SVIL: variants seen among roughly 807,000 people sequenced by gnomAD.
SVIL encodes the protein archvillin.
In SVIL, 101 loss-of-function variants were observed where a neutral mutation model predicts 240.4. The observed-to-expected ratio is 0.42, with a 90% confidence interval of 0.36 to 0.50. The LOEUF (loss-of-function observed/expected upper bound fraction) is 0.50. SVIL is among the 20% of genes least tolerant of loss of function. SVIL has a pLI of 0.01. For synonymous variants in SVIL, 999 were observed against 1,100.0 expected (o/e 0.91, Z 1.82); for missense variants, 2,512 against 2,818.7 (o/e 0.89, Z 2.46).
intron 2 of SVIL, among the ~76,000 whole-genome samples, chr10:29,664,207 G>A (rs185566597): frequency 1.3e-5 from 2 of 152,230 alleles, no homozygotes; most frequent in African/African-American, 4.8e-5. Flanking sequence ...TTGAGTTAAT[G>A]GGCAGAATTC....
chr10:29,573,029 C>T (rs1955519286), intron 1 of SVIL, among the ~76,000 whole-genome samples: 1 of 151,282 alleles, frequency 6.6e-6, no homozygotes, highest in East Asian at 1.9e-4. Context: ...TTCAAATTTT[C>T]CTGTCGCTTG....
At chr10:29,586,754 G>A (rs1428911219) in intron 1 of SVIL, among the ~76,000 whole-genome samples, 2 of 152,142 alleles carry the variant, frequency 1.3e-5, no homozygotes, top group Non-Finnish European at 2.9e-5. Flanking sequence ...CATGGATGAA[G>A]CAGGAGGCTA....
At chr10:29,635,442 C>T (rs1451037567), upstream of SVIL, among the ~76,000 whole-genome samples, 7 of 152,152 alleles carry the variant, frequency 4.6e-5, no homozygotes, top group Non-Finnish European at 1.5e-5. Flanking sequence ...CTTCCAATAA[C>T]TGTAGAAAAT....
chr10:29,506,757 G>A (rs1351967299), intron 17 of SVIL, among the ~76,000 whole-genome samples: 2 of 149,946 alleles, frequency 1.3e-5, no homozygotes, highest in African/African-American at 2.4e-5. Context: ...TAGAGGGAGG[G>A]GACAGAGGCC....
intron 3 of SVIL, among the ~76,000 whole-genome samples, chr10:29,643,191 G>A (rs942959010): frequency 6.6e-6 from 1 of 152,190 alleles, no homozygotes; most frequent in African/African-American, 2.4e-5. Context: ...CTGGACTCAA[G>A]ATGATGTCAG....
intron 5 of SVIL, among the ~76,000 whole-genome samples, chr10:29,552,084 C>T (rs974839797): frequency 4.0e-5 from 6 of 151,136 alleles, no homozygotes; most frequent in Non-Finnish European, 7.4e-5. Context: ...TGCCACTGAA[C>T]TCTAACCTGA....
chr10:29,598,044 A>C (rs1441598860), intron 1 of SVIL, among the ~76,000 whole-genome samples: 1 of 152,126 alleles, frequency 6.6e-6, no homozygotes, highest in East Asian at 1.9e-4. Context: ...TGGTGTATCT[A>C]AACCCAGTGG....
At chr10:29,711,236 C>T (rs533136264) in intron 1 of SVIL, among the ~76,000 whole-genome samples, 4 of 151,944 alleles carry the variant, frequency 2.6e-5, no homozygotes, top group South Asian at 2.1e-4. Flanking sequence ...CCTGTCTCTA[C>T]TAAAAATACA....
intron 1 of SVIL, among the ~76,000 whole-genome samples, chr10:29,723,277 G>A (rs769167078): frequency 6.6e-6 from 1 of 152,218 alleles, no homozygotes; most frequent in Non-Finnish European, 1.5e-5. Flanking sequence ...GTTACTGGGA[G>A]GCTAAGATGA....
At chr10:29,557,799 C>T (rs927609475) in intron 3 of SVIL, among the ~76,000 whole-genome samples, 6 of 152,208 alleles carry the variant, frequency 3.9e-5, no homozygotes, top group South Asian at 2.1e-4. Flanking sequence ...GGGCATAAAA[C>T]GAGAAATTCT....
At chr10:29,500,257 C>T (rs1173405640) in intron 17 of SVIL, among the ~76,000 whole-genome samples, 1 of 152,022 alleles carries the variant, frequency 6.6e-6, no homozygotes, top group African/African-American at 2.4e-5. Flanking sequence ...AAACGCTGGC[C>T]GGCAGAGTTT....
rs201445275 is a variant in SVIL, at chr10:29,512,794, C to T, written c.3457G>A (p.Gly1153Ser). The stretch of plus-strand genomic sequence containing the variant: ...TGCAGGCTGCTGGCCGGCGCCTTGC[C>T]GCCCTCCTGCCTCCTGCTGAGTCTG... ...RNRLSRRQEG[G>S]KAPASSLHTQ... The change falls in exon 17 of 38, where the codon GGC (glycine) becomes AGC (serine). Residue 1153 changes from glycine (G) to serine (S), a missense_variant. Gly to Ser is a moderately conservative substitution (Grantham distance 56). Coordinates refer to ENST00000355867, the MANE Select transcript of SVIL (RefSeq NM_021738.3). 19 of 1,613,398 alleles carry T rather than the reference C, an allele frequency of 1.2e-5. No homozygotes were observed. The East Asian group carries it at 3.3e-4, about 28-fold the overall frequency.
chr10:29,663,595 A>T (rs188689998), intron 2 of SVIL, among the ~76,000 whole-genome samples: 1 of 152,302 alleles, frequency 6.6e-6, no homozygotes. Context: ...ACCTCAAGTG[A>T]TCTGCCCTGC....
chr10:29,689,013 C>CAT (rs774105391), intron 1 of SVIL, among the ~76,000 whole-genome samples: 133 of 152,206 alleles, frequency 8.7e-4, no homozygotes, highest in Non-Finnish European at 1.7e-3. Flanking sequence ...ATAAAAGGCA[C>CAT]ATATATATAC....
chr10:29,460,827 G>T (rs2132264347), intron 36 of SVIL, among the ~76,000 whole-genome samples: 1 of 152,242 alleles, frequency 6.6e-6, no homozygotes, highest in Middle Eastern at 3.4e-3. Flanking sequence ...GATTGTCTGA[G>T]CCTGGAGCTG....
intron 16 of SVIL, among the ~76,000 whole-genome samples, chr10:29,519,280 G>T (rs535869252): frequency 6.6e-6 from 1 of 152,108 alleles, no homozygotes; most frequent in Non-Finnish European, 1.5e-5. Context: ...TGAGCGCACC[G>T]CGGTCTCACC....
chr10:29,526,878 G>A lies in SVIL; in HGVS notation c.2342+83C>T, dbSNP rs79610730. ...GCATTGACTTGTTTGTCAAACAAAC[G>A]ACAGACATTCAAGACTTTAGGATGC... On this transcript the variant is annotated intron_variant, in intron 13 of 37. Transcript: ENST00000355867. 1.5e-4 allele frequency: 173 copies of A among 1,155,342 alleles called. 1 individual carries two copies. The East Asian group carries it at 4.5e-3, about 30-fold the overall frequency. The allele number at this position is 1,155,342 out of a possible 1,614,324, so 71.6% of individuals were successfully genotyped here. A position where few individuals can be genotyped will look rare whatever the true frequency, so the allele number is the denominator to read the frequency against.
intron 17 of SVIL, among the ~76,000 whole-genome samples, chr10:29,510,118 T>C (rs1178319599): frequency 6.6e-6 from 1 of 152,190 alleles, no homozygotes; most frequent in Non-Finnish European, 1.5e-5. Context: ...GGTCTAAAAC[T>C]CCTGGGCTCA....
At chr10:29,604,652 T>C (rs1956951294) in intron 1 of SVIL, among the ~76,000 whole-genome samples, 1 of 152,076 alleles carries the variant, frequency 6.6e-6, no homozygotes, top group East Asian at 1.9e-4. Context: ...GCAGCCTCGA[T>C]CTCCTGCTCT....
Sources: gnomAD v4.1 joint callset for allele counts (sites outside exome capture counted in the v4.1 genomes callset) on GRCh38, gnomAD v4.1.1 for gene constraint, MANE v1.5 for transcripts, NCBI Gene and HGNC (gene_info 2026-07-23, HGNC 2026-07-21) for gene names.